ZFPM2: variants seen among roughly 807,000 people sequenced by gnomAD.
ZFPM2 encodes the protein zinc finger protein, FOG family member 2.
Under a neutral mutation model 98.6 loss-of-function variants are expected in ZFPM2, and 20 were observed. That is an observed-to-expected ratio of 0.20 (90% CI 0.14 to 0.29). ZFPM2 has a LOEUF of 0.29. ZFPM2 is among the 10% of genes least tolerant of loss of function. The pLI is 1.00. For missense variants in ZFPM2, 1,310 were observed against 1,388.6 expected, an observed-to-expected ratio of 0.94 and a Z score of 0.90; for synonymous variants, 518 against 502.7, an observed-to-expected ratio of 1.03 and a Z score of -0.41.
At chr8:105,522,305 G>A (rs565733389) in intron 3 of ZFPM2, among the ~76,000 whole-genome samples, 169 of 152,156 alleles carry the variant, frequency 1.1e-3, no homozygotes, top group Admixed American at 8.9e-3. Context: ...AAATGTAAAA[G>A]GAAAAGTTAG....
At chr8:105,773,265 A>T (rs1026530708) in intron 5 of ZFPM2, among the ~76,000 whole-genome samples, 9 of 152,162 alleles carry the variant, frequency 5.9e-5, no homozygotes, top group Non-Finnish European at 1.2e-4. Context: ...ATGTACTATA[A>T]ATAGCCCTTA....
chr8:105,553,257 C>A (rs1814905491), intron 3 of ZFPM2, among the ~76,000 whole-genome samples: 1 of 152,068 alleles, frequency 6.6e-6, no homozygotes, highest in Non-Finnish European at 1.5e-5. Context: ...GAAAGAATAA[C>A]CTGTCTCAGA....
chr8:105,323,339 A>AT (rs35153901), intron 1 of ZFPM2, among the ~76,000 whole-genome samples: 19 of 151,384 alleles, frequency 1.3e-4, no homozygotes, highest in Admixed American at 9.2e-4. Context: ...CAAATAAGTT[A>AT]TTTTTTTTCT....
intron 1 of ZFPM2, chr8:105,418,789 A>G: frequency 1.9e-6 from 1 of 513,990 alleles, no homozygotes. Context: ...AGAGACTTGT[A>G]CTCTTTACCA....
intron 3 of ZFPM2, among the ~76,000 whole-genome samples, chr8:105,463,566 T>C (rs1251708450): frequency 6.6e-6 from 1 of 152,004 alleles, no homozygotes; most frequent in Middle Eastern, 3.2e-3. Context: ...GGACAACATG[T>C]TTATTCATTT....
chr8:105,698,426 T>C (rs1265093709), intron 5 of ZFPM2, among the ~76,000 whole-genome samples: 1 of 152,228 alleles, frequency 6.6e-6, no homozygotes, highest in Non-Finnish European at 1.5e-5. Context: ...GAAACCACTT[T>C]TCACTTTCTT....
intron 4 of ZFPM2, among the ~76,000 whole-genome samples, chr8:105,627,895 A>G (rs140076110): frequency 6.6e-6 from 1 of 152,370 alleles, no homozygotes; most frequent in East Asian, 1.9e-4. Context: ...ACTGATCAGT[A>G]GCCATAATGA....
intron 5 of ZFPM2, among the ~76,000 whole-genome samples, chr8:105,653,854 CTTTTTTTTTTTTTTTT>C (rs60218363): frequency 8.2e-4 from 29 of 35,284 alleles, no homozygotes; most frequent in African/African-American, 2.6e-3. Flanking sequence ...TGTGTGCTAT[CTTTTTTTTTTTTTTTT>C]TTTTTTTTTT....
intron 1 of ZFPM2, among the ~76,000 whole-genome samples, chr8:105,351,837 C>G (rs567229871): frequency 5.9e-5 from 9 of 151,600 alleles, no homozygotes; most frequent in African/African-American, 2.2e-4. Context: ...AAAAAAGGCT[C>G]TATTTTATAT....
rs557206483 is a variant in ZFPM2, at chr8:105,465,137, GA to G, written c.301+20766del. Among the ~76,000 whole-genome samples, 26 of 148,130 alleles carry G rather than the reference GA, an allele frequency of 1.8e-4. 1 individual carries two copies. The highest frequency in any genetic ancestry group is 4.2e-4 in the African/African-American group (17 of 40,410). On this transcript the variant is annotated intron_variant, in intron 3 of 7. Transcript: ENST00000407775. ...TAATGACTGTAGGTAAGGAAAACTG[GA>G]AAAAAAAAATTGTGGAAGATACATT... is the stretch of plus-strand genomic sequence containing the variant.
chr8:105,597,020 G>A (rs1175735701), intron 4 of ZFPM2, among the ~76,000 whole-genome samples: 2 of 151,490 alleles, frequency 1.3e-5, no homozygotes, highest in African/African-American at 4.8e-5. Context: ...TTATACATTT[G>A]TGTTTCAATT....
At chr8:105,444,943 A>G (rs1386096998) in intron 3 of ZFPM2, among the ~76,000 whole-genome samples, 1 of 152,206 alleles carries the variant, frequency 6.6e-6, no homozygotes, top group Non-Finnish European at 1.5e-5. Flanking sequence ...CACCACACCA[A>G]TATAAATGTA....
At chr8:105,495,004 T>C (rs931983103) in intron 3 of ZFPM2, among the ~76,000 whole-genome samples, 4 of 152,212 alleles carry the variant, frequency 2.6e-5, no homozygotes, top group African/African-American at 9.6e-5. Flanking sequence ...TCTTCTACTG[T>C]TTTAAAAACT....
intron 3 of ZFPM2, among the ~76,000 whole-genome samples, chr8:105,535,106 GAC>G (rs1190784332): frequency 6.6e-6 from 1 of 152,130 alleles, no homozygotes; most frequent in Admixed American, 6.6e-5. Flanking sequence ...GGAATAAATA[GAC>G]TGGAAATTCC....
At chr8:105,494,917 T>G (rs1586414409) in intron 3 of ZFPM2, among the ~76,000 whole-genome samples, 1 of 152,364 alleles carries the variant, frequency 6.6e-6, no homozygotes, top group East Asian at 1.9e-4. Flanking sequence ...AAAATTTTTA[T>G]TGATGAAATT....
intron 5 of ZFPM2, among the ~76,000 whole-genome samples, chr8:105,737,985 GA>G (rs1486054035): frequency 2.4e-5 from 2 of 85,062 alleles, no homozygotes; most frequent in Non-Finnish European, 6.1e-5. Context: ...AAAAGATGAG[GA>G]AAAAAAAGCA....
At position 105,798,829 on chromosome 8, in the gene ZFPM2, C is replaced by T. The variant is rs767588150; in HGVS notation, c.845C>T (p.Pro282Leu). The T allele has an allele frequency of 4.3e-5, 69 of 1,613,780 alleles. No homozygotes were observed. Among genetic ancestry groups the T allele is most frequent in the Middle Eastern group, 1.6e-4 (1 of 6,084 alleles). The change falls in exon 7 of 8, where the codon CCG becomes CTG. Residue 282 changes from proline to leucine, a missense_variant. By Grantham distance (98) the Pro-to-Leu change is moderately conservative (BLOSUM62 -3). Coordinates refer to ENST00000407775, the MANE Select transcript of ZFPM2 (RefSeq NM_012082.4). Reference protein sequence around the residue: ...YCSGRQREAAPVSEENEDSAH... With the variant: ...YCSGRQREAALVSEENEDSAH... The stretch of plus-strand genomic sequence containing the variant: ...AGTGGGAGGCAAAGAGAAGCTGCTC[C>T]GGTGTCAGAGGAAAATGAAGACAGT...
At chr8:105,631,636 G>A (rs1816757157) in intron 4 of ZFPM2, among the ~76,000 whole-genome samples, 2 of 152,094 alleles carry the variant, frequency 1.3e-5, no homozygotes, top group Admixed American at 1.3e-4. Context: ...ACATGTCTTA[G>A]CACTTCCTAC....
At chr8:105,511,225 T>G (rs1487448964) in intron 3 of ZFPM2, among the ~76,000 whole-genome samples, 1 of 152,262 alleles carries the variant, frequency 6.6e-6, no homozygotes, top group Non-Finnish European at 1.5e-5. Flanking sequence ...CTCCTTGCTC[T>G]GCCAGGTGCT....
Sources: gnomAD v4.1 joint callset for allele counts (sites outside exome capture counted in the v4.1 genomes callset) on GRCh38, gnomAD v4.1.1 for gene constraint, MANE v1.5 for transcripts, NCBI Gene and HGNC (gene_info 2026-07-23, HGNC 2026-07-21) for gene names.